Variants in ICMT observed in about 807,000 individuals in gnomAD.
ICMT encodes protein-S-isoprenylcysteine O-methyltransferase.
Under a neutral mutation model 32.2 loss-of-function variants are expected in ICMT, and 10 were observed. The ratio of observed to expected loss-of-function variants is 0.31; its 90% CI spans 0.19 to 0.53. The LOEUF is 0.53. ICMT is among the 20% of genes least tolerant of loss of function. ICMT has a pLI of 0.96. For synonymous variants in ICMT, 183 were observed against 158.2 expected, an observed-to-expected ratio of 1.16 and a Z score of -1.18; for missense variants, 265 against 356.9, an observed-to-expected ratio of 0.74 and a Z score of 2.07.
intron 4 of ICMT, among the ~76,000 whole-genome samples, chr1:6,228,562 T>C (rs142583575): frequency 0.01 from 1,566 of 151,968 alleles, 18 homozygotes; most frequent in African/African-American, 0.035. Flanking sequence ...CAGGATGGTC[T>C]TGATCTCCTG....
rs912449273 is a variant in ICMT, at chr1:6,225,014, C to T, written c.*66G>A. 6 of 1,386,348 alleles carry T rather than the reference C, an allele frequency of 4.3e-6. No homozygotes were observed. Among genetic ancestry groups the T allele is most frequent in the Non-Finnish European group, 5.9e-6 (6 of 1,008,518 alleles). 85.9% of individuals were successfully genotyped at this position (1,386,348 alleles called of 1,614,324 possible). ...AGAAAATCCATGTGGCAGCGGCCAA[C>T]CGGAAACAGTTTTGTCCCAGGCTGC... is the stretch of plus-strand genomic sequence containing the variant. On this transcript the variant is annotated 3_prime_UTR_variant, in exon 5 of 5. Coordinates refer to ENST00000343813, the MANE Select transcript of ICMT (RefSeq NM_012405.4).
chr1:6,232,943 C>T (rs1285012216), intron 3 of ICMT, among the ~76,000 whole-genome samples: 1 of 151,998 alleles, frequency 6.6e-6, no homozygotes, highest in Non-Finnish European at 1.5e-5. Context: ...CTGCAACCTC[C>T]GCCTCCCGGA....
At chr1:6,231,075 T>C (rs1314650287) in intron 4 of ICMT, among the ~76,000 whole-genome samples, 1 of 150,326 alleles carries the variant, frequency 6.7e-6, no homozygotes, top group Non-Finnish European at 1.5e-5. Context: ...TGGTGGTTCG[T>C]GCCTACAGTT....
intron 1 of ICMT, 48 bp downstream of exon 1, chr1:6,235,669 G>T: frequency 1.8e-6 from 2 of 1,120,702 alleles, no homozygotes; most frequent in South Asian, 8.3e-5. Flanking sequence ...GCGCCAAGCG[G>T]ACCGCCGCCC....
rs187176569 is a variant in ICMT at position 6,232,097 on chromosome 1, G to A, written c.477C>T (p.Leu159=). Residue 159 remains leucine (L), a synonymous_variant, in exon 4 of 5, where the codon CTC becomes CTT. Coordinates refer to ENST00000343813, the MANE Select transcript of ICMT (RefSeq NM_012405.4). ...FWPELKQITW[L]SVTGLLMVVF... is the part of the protein sequence containing the mutation. ...CCACCATCAGCAGCCCTGTGACACT[G>A]AGCCAGGTAATCTGCTTCAGTTCTG... 9.9e-6 allele frequency: 16 copies of A among 1,613,932 alleles called. 1 individual carries two copies. The highest frequency in any genetic ancestry group is 1.6e-4 in the Middle Eastern group (1 of 6,062).
chr1:6,229,781 A>T (rs1433896481), intron 4 of ICMT, among the ~76,000 whole-genome samples: 5 of 76,096 alleles, frequency 6.6e-5, no homozygotes, highest in Non-Finnish European at 9.7e-5. Context: ...AAATAAAAAA[A>T]ATACACACAC....
intron 4 of ICMT, among the ~76,000 whole-genome samples, chr1:6,227,508 A>G (rs1668662511): frequency 6.6e-6 from 1 of 152,254 alleles, no homozygotes; most frequent in African/African-American, 2.4e-5. Flanking sequence ...ATCTATTCAC[A>G]TTCTTTGGCC....
At chr1:6,233,669 AG>A in intron 2 of ICMT, 26 bp from the exon 3 acceptor site, 1 of 1,596,142 alleles carries the variant, frequency 6.3e-7, no homozygotes, top group South Asian at 1.1e-5. Context: ...AAGAGAGTTA[AG>A]TTGGGACAAG....
At chr1:6,227,806 A>G (rs896462053) in intron 4 of ICMT, among the ~76,000 whole-genome samples, 2 of 151,794 alleles carry the variant, frequency 1.3e-5, no homozygotes, top group African/African-American at 4.8e-5. Flanking sequence ...CAGTGAGCCG[A>G]GATTGCGCCA....
rs762676875 is a variant in ICMT at position 6,234,987 on chromosome 1, CAA to C, written c.196-15_196-14del. On this transcript the variant is annotated splice_polypyrimidine_tract_variant and intron_variant, in intron 1 of 4. Coordinates refer to ENST00000343813, the MANE Select transcript of ICMT (RefSeq NM_012405.4). ...CTCGGATGGCTATCTGAAAGGAACC[CAA>C]GAGAAGCTCAGTCATTCACAGTCCT... 7 of 1,608,994 alleles carry C rather than the reference CAA, an allele frequency of 4.4e-6. No individual in the cohort carries two copies. In the African/African-American group the frequency reaches 5.3e-5, roughly 12 times the overall value.
chr1:6,222,300 G>C lies in ICMT; in HGVS notation c.*2780C>G, dbSNP rs1668567744. The C allele has an allele frequency of 6.6e-6, 1 of 152,284 alleles. No individual in the cohort carries two copies. Among genetic ancestry groups the C allele is most frequent in the South Asian group, 2.1e-4 (1 of 4,838 alleles). 9.4% of individuals were successfully genotyped at this position (152,284 alleles called of 1,614,324 possible). A position where few individuals can be genotyped will look rare whatever the true frequency, so the allele number is the denominator to read the frequency against. On this transcript the variant is annotated 3_prime_UTR_variant, in exon 5 of 5. Transcript: ENST00000343813. ...TAGCTGGGCATGGTGGCCCAAGCCT[G>C]TAATCCCAGCTACTCAGGAGGCTGA...
In ICMT at chr1:6,235,937, G is replaced by T. The variant is rs930049919; in HGVS notation, c.-26C>A. On this transcript the variant is annotated 5_prime_UTR_variant, in exon 1 of 5. Transcript: ENST00000343813. ...GGCGCCGGGCGGCGGACTAGCGGGC[G>T]GCGGCGCCGGCTGTAGCCCGGAGAA... 6.8e-6 allele frequency: 7 copies of T among 1,025,794 alleles called. No homozygotes were observed. In the African/African-American group the frequency reaches 1.6e-4, roughly 23 times the overall value. The allele number at this position is 1,025,794 out of a possible 1,614,324, so 63.5% of individuals were successfully genotyped here. A position where few individuals can be genotyped will look rare whatever the true frequency, so the allele number is the denominator to read the frequency against.
intron 3 of ICMT, 50 bp from the exon 4 acceptor site, chr1:6,232,169 G>A (rs1310594854): frequency 7.1e-7 from 1 of 1,413,090 alleles, no homozygotes; most frequent in East Asian, 2.3e-5. Context: ...ACACTGGCCT[G>A]AGCTCCCCTT....
At position 6,222,946 on chromosome 1, in the gene ICMT, G is replaced by A. The variant is rs965897067; in HGVS notation, c.*2134C>T. On this transcript the variant is annotated 3_prime_UTR_variant, in exon 5 of 5. Transcript: ENST00000343813. ...TGGTCTAAAGGACAAGTTTAGAAAT[G>A]ATTCAACTCAAGTTCCTAAACAGAG... 6.6e-6 allele frequency: 1 copy of A among 152,252 alleles called. No homozygotes were observed. Among genetic ancestry groups the A allele is most frequent in the Non-Finnish European group, 1.5e-5 (1 of 68,056 alleles). 9.4% of individuals were successfully genotyped at this position (152,252 alleles called of 1,614,324 possible).
At position 6,232,055 on chromosome 1, in the gene ICMT, C is replaced by G; in HGVS notation, c.519G>C (p.Leu173=). ...CAGCTGTAAACATGGCCGCCTTCCT[C>G]AGACATTCTCCGAAGACCACCATCA... ...GLLMVVFGEC[L]RKAAMFTAGS... Residue 173 remains leucine, a synonymous_variant, in exon 4 of 5, where the codon CTG becomes CTC. Transcript: ENST00000343813. The G allele has an allele frequency of 6.2e-7, 1 of 1,614,138 alleles. No homozygotes were observed. Among genetic ancestry groups the G allele is most frequent in the Non-Finnish European group, 8.5e-7 (1 of 1,180,028 alleles).
At position 6,222,125 on chromosome 1, in the gene ICMT, A is replaced by T. The variant is rs556147411; in HGVS notation, c.*2955T>A. The stretch of plus-strand genomic sequence containing the variant: ...CAATCACTTACCAAATCCTGTCCTT[A>T]AGGAGTTCATCTTGGCTGGGCGTGG... On this transcript the variant is annotated 3_prime_UTR_variant, in exon 5 of 5. Coordinates refer to ENST00000343813, the MANE Select transcript of ICMT (RefSeq NM_012405.4). 1 of 152,384 alleles carries T rather than the reference A, an allele frequency of 6.6e-6. No homozygotes were observed. Among genetic ancestry groups the T allele is most frequent in the African/African-American group, 2.4e-5 (1 of 41,596 alleles). 9.4% of individuals were successfully genotyped at this position (152,384 alleles called of 1,614,324 possible).
chr1:6,229,607 C>T (rs930453871), intron 4 of ICMT, among the ~76,000 whole-genome samples: 9 of 151,844 alleles, frequency 5.9e-5, no homozygotes, highest in East Asian at 1.9e-4. Context: ...TGCAATGAGC[C>T]GAGATTGTGA....
At chr1:6,233,015 G>A (rs1345029403) in intron 3 of ICMT, among the ~76,000 whole-genome samples, 4 of 151,758 alleles carry the variant, frequency 2.6e-5, no homozygotes, top group South Asian at 2.1e-4. Context: ...GTGCCACTAC[G>A]CCTGGCTTTT....
intron 2 of ICMT, 103 bp from the exon 3 acceptor site, chr1:6,233,746 G>C: frequency 1.1e-6 from 1 of 876,288 alleles, no homozygotes; most frequent in Non-Finnish European, 1.8e-6. Context: ...ATGAGGCCCT[G>C]TTCTCACCTG....
Sources: allele counts gnomAD v4.1 joint callset (sites outside exome capture counted in the v4.1 genomes callset), GRCh38; gene constraint gnomAD v4.1.1; transcripts MANE v1.5; gene names NCBI Gene and HGNC (gene_info 2026-07-23, HGNC 2026-07-21).